The following LMBR1 variants were observed in gnomAD, a reference collection of about 807,000 sequenced individuals.
LMBR1 encodes limb development membrane protein 1.
In LMBR1, 52 loss-of-function variants were observed where a neutral mutation model predicts 73.9. The ratio of observed to expected loss-of-function variants is 0.70; its 90% CI spans 0.56 to 0.89. The LOEUF (loss-of-function observed/expected upper bound fraction) is 0.89. Ranked by LOEUF, LMBR1 falls within the 40% of genes least tolerant of loss-of-function variation. The pLI, the probability that LMBR1 is intolerant of heterozygous loss-of-function variation, is 0.00. For synonymous variants in LMBR1, 215 were observed against 209.4 expected, an observed-to-expected ratio of 1.03 and a Z score of -0.23; for missense variants, 539 against 579.8, an observed-to-expected ratio of 0.93 and a Z score of 0.72.
intron 9 of LMBR1, among the ~76,000 whole-genome samples, chr7:156,740,825 A>C (rs1305191485): frequency 6.6e-6 from 1 of 152,236 alleles, no homozygotes; most frequent in East Asian, 1.9e-4. Flanking sequence ...CTCACTGGTA[A>C]TATAAGTAAA....
chr7:156,845,967 GA>G (rs894289276), intron 1 of LMBR1, among the ~76,000 whole-genome samples: 6 of 139,304 alleles, frequency 4.3e-5, no homozygotes, highest in Non-Finnish European at 4.7e-5. Flanking sequence ...AAATACCTCA[GA>G]AAAAAAAAAA....
At chr7:156,773,688 C>T (rs936799061) in intron 5 of LMBR1, among the ~76,000 whole-genome samples, 1 of 152,116 alleles carries the variant, frequency 6.6e-6, no homozygotes, top group Non-Finnish European at 1.5e-5. Flanking sequence ...ACACCATATA[C>T]AAAAATCGAT....
Position 156,680,973 on chromosome 7 carries a change from A to C in LMBR1, c.*3105T>G. The C allele has an allele frequency of 1.0e-5, 3 of 300,554 alleles. No homozygotes were observed. Among genetic ancestry groups the C allele is most frequent in the South Asian group, 8.6e-5 (3 of 34,836 alleles). The allele number at this position is 300,554 out of a possible 1,614,324, so 18.6% of individuals were successfully genotyped here. ...CAAAGACTAACAATTTGTAAACAAAACAATCTGTAAACAAAAATCAATTAC... is the reference window on the plus strand; with the variant it reads ...CAAAGACTAACAATTTGTAAACAAACCAATCTGTAAACAAAAATCAATTAC... On this transcript the variant is annotated 3_prime_UTR_variant, in exon 17 of 17. Coordinates refer to ENST00000353442, the MANE Select transcript of LMBR1 (RefSeq NM_022458.4).
intron 5 of LMBR1, among the ~76,000 whole-genome samples, chr7:156,764,497 C>T (rs371403686): frequency 6.6e-6 from 1 of 151,884 alleles, no homozygotes; most frequent in Admixed American, 6.5e-5. Context: ...CAGGATAAGA[C>T]AAAAAAAGAA....
chr7:156,876,883 T>G (rs573574354), intron 1 of LMBR1, among the ~76,000 whole-genome samples: 1 of 151,788 alleles, frequency 6.6e-6, no homozygotes, highest in African/African-American at 2.4e-5. Flanking sequence ...AGAGCACAAA[T>G]AGACAATCTA....
intron 15 of LMBR1, among the ~76,000 whole-genome samples, chr7:156,704,769 AC>A (rs1277302647): frequency 1.9e-4 from 29 of 151,314 alleles, no homozygotes; most frequent in African/African-American, 6.5e-4. Context: ...AAAAAAAAAA[AC>A]CAGAAATTCT....
chr7:156,832,722 T>C (rs1372062137), intron 3 of LMBR1, among the ~76,000 whole-genome samples: 1 of 152,220 alleles, frequency 6.6e-6, no homozygotes, highest in Admixed American at 6.5e-5. Context: ...CTCTTCCCCT[T>C]TTCTTACTTC....
intron 16 of LMBR1, 141 bp from the exon 17 acceptor site, chr7:156,684,304 A>C: frequency 1.5e-6 from 1 of 678,716 alleles, no homozygotes; most frequent in South Asian, 1.8e-5. Context: ...CCCTTGAGGA[A>C]TGAATGATTT....
At chr7:156,779,050 G>T (rs1167729006) in intron 5 of LMBR1, among the ~76,000 whole-genome samples, 1 of 152,110 alleles carries the variant, frequency 6.6e-6, no homozygotes, top group Non-Finnish European at 1.5e-5. Flanking sequence ...AAGGAAGAAG[G>T]TCTTCATTGT....
At position 156,727,975 on chromosome 7, in the gene LMBR1, A is replaced by G; in HGVS notation, c.948T>C (p.Ile316=). The G allele has an allele frequency of 6.2e-7, 1 of 1,613,604 alleles. No homozygotes were observed. The highest frequency in any genetic ancestry group is 8.5e-7 in the Non-Finnish European group (1 of 1,179,788). ...CTGTTTCATCAACCAATAGGCAAAG[A>G]ATATTACAAGCCACCAAGAGGACCG... ...SISVLLVACN[I]LCLLVDETAM... The change falls in exon 12 of 17, where the codon ATT becomes ATC. Residue 316 remains isoleucine, a synonymous_variant. Transcript: ENST00000353442.
intron 5 of LMBR1, among the ~76,000 whole-genome samples, chr7:156,764,395 T>A (rs1823709130): frequency 6.6e-6 from 1 of 152,212 alleles, no homozygotes; most frequent in Non-Finnish European, 1.5e-5. Flanking sequence ...AATATAATAA[T>A]ATAATCATTA....
At chr7:156,807,989 A>G (rs75194985) in intron 4 of LMBR1, among the ~76,000 whole-genome samples, 2,355 of 152,214 alleles carry the variant, frequency 0.015, 52 homozygotes, top group African/African-American at 0.053. Context: ...TGTATCTTGT[A>G]TGACTTAAAA....
intron 3 of LMBR1, 93 bp from the exon 4 acceptor site, chr7:156,826,837 T>A: frequency 8.4e-7 from 1 of 1,190,820 alleles, no homozygotes; most frequent in African/African-American, 1.5e-5. Flanking sequence ...AATGTTTTAA[T>A]CAAAAAAGCA....
In LMBR1 at chr7:156,821,975, A is replaced by C. The variant is rs529180591; in HGVS notation, c.319+4630T>G. Among the ~76,000 whole-genome samples the C allele has an allele frequency of 2.0e-5, 3 of 152,368 alleles. No individual in the cohort carries two copies. The East Asian group carries it at 5.8e-4, about 29-fold the overall frequency. The stretch of plus-strand genomic sequence containing the variant: ...CAAATATTTATTTATTTAAACACAC[A>C]CGAACATGTTTATACACATACATTT... On this transcript the variant is annotated intron_variant, in intron 4 of 16. Transcript: ENST00000353442.
At chr7:156,776,467 AG>A (rs1234529946) in intron 5 of LMBR1, among the ~76,000 whole-genome samples, 4 of 152,216 alleles carry the variant, frequency 2.6e-5, no homozygotes, top group Non-Finnish European at 4.4e-5. Flanking sequence ...ATTCTACAGT[AG>A]CCACCCACAC....
At chr7:156,688,653 T>G (rs573089024) in intron 15 of LMBR1, among the ~76,000 whole-genome samples, 154 of 152,258 alleles carry the variant, frequency 1.0e-3, no homozygotes, top group African/African-American at 3.5e-3. Context: ...TCCCCTCTCT[T>G]TAGTCGGGTC....
At chr7:156,753,951 C>T (rs931345742) in intron 9 of LMBR1, among the ~76,000 whole-genome samples, 3 of 152,116 alleles carry the variant, frequency 2.0e-5, no homozygotes, top group Admixed American at 6.5e-5. Context: ...TGAAAACTTA[C>T]AAATTCTTGT....
chr7:156,689,892 A>G (rs1195297700), intron 15 of LMBR1, among the ~76,000 whole-genome samples: 1 of 152,238 alleles, frequency 6.6e-6, no homozygotes, highest in East Asian at 1.9e-4. Context: ...CTAGGAAGTG[A>G]TCTTTAAACA....
chr7:156,834,246 T>C (rs1029010512), intron 2 of LMBR1, among the ~76,000 whole-genome samples: 3 of 151,614 alleles, frequency 2.0e-5, no homozygotes, highest in African/African-American at 7.3e-5. Context: ...TAACAAGGAG[T>C]CTCCTGGACC....
Sources: gnomAD v4.1 joint callset for allele counts (sites outside exome capture counted in the v4.1 genomes callset) on GRCh38, gnomAD v4.1.1 for gene constraint, MANE v1.5 for transcripts, NCBI Gene and HGNC (gene_info 2026-07-23, HGNC 2026-07-21) for gene names.